Variants in GPC6 observed in about 807,000 individuals in gnomAD.
GPC6 encodes the protein glypican-6.
A neutral mutation model predicts 55.2 loss-of-function variants in GPC6; 14 were observed. That is an observed-to-expected ratio of 0.25 (90% CI 0.17 to 0.40). The LOEUF (loss-of-function observed/expected upper bound fraction) is 0.40, where lower values mean the gene tolerates loss of function less well. Among genes scored for constraint, GPC6 ranks in the 10% least tolerant of loss-of-function variants. The probability of loss-of-function intolerance (pLI) is 1.00; values close to 1 mark genes in which losing one functional copy is unlikely to be tolerated. For synonymous variants in GPC6, 278 were observed against 259.6 expected, an observed-to-expected ratio of 1.07 and a Z score of -0.68; for missense variants, 641 against 708.5, an observed-to-expected ratio of 0.90 and a Z score of 1.08.
chr13:93,707,837 G>A (rs1038739240), intron 2 of GPC6, among the ~76,000 whole-genome samples: 15 of 151,736 alleles, frequency 9.9e-5, no homozygotes, highest in African/African-American at 3.6e-4. Flanking sequence ...TCACAGTTGA[G>A]TTATTCCACA....
chr13:93,335,937 G>A (rs527831697), intron 1 of GPC6, among the ~76,000 whole-genome samples: 1 of 152,204 alleles, frequency 6.6e-6, no homozygotes, highest in South Asian at 2.1e-4. Flanking sequence ...CTAAGAATAG[G>A]CACAAAACAT....
chr13:94,352,212 G>C (rs1275169266), intron 6 of GPC6, among the ~76,000 whole-genome samples: 1 of 152,052 alleles, frequency 6.6e-6, no homozygotes, highest in Non-Finnish European at 1.5e-5. Flanking sequence ...ACTCAAGTCA[G>C]TGCAGGAAGA....
chr13:93,793,286 A>T (rs1409322278), intron 2 of GPC6, among the ~76,000 whole-genome samples: 1 of 152,218 alleles, frequency 6.6e-6, no homozygotes, highest in Admixed American at 6.5e-5. Flanking sequence ...TTGAGAAAAT[A>T]GTCACTGAAA....
intron 4 of GPC6, among the ~76,000 whole-genome samples, chr13:94,209,958 C>T (rs12100133): frequency 0.097 from 14,802 of 151,944 alleles, 1,217 homozygotes; most frequent in East Asian, 0.25. Context: ...AGCTATCTTC[C>T]CACCTCAGCC....
intron 2 of GPC6, among the ~76,000 whole-genome samples, chr13:93,760,556 C>A (rs1167071397): frequency 2.0e-5 from 3 of 152,128 alleles, no homozygotes; most frequent in Non-Finnish European, 4.4e-5. Context: ...GACTAATGGG[C>A]AGGAAATGGC....
chr13:94,302,311 C>G (rs778109689), intron 5 of GPC6, among the ~76,000 whole-genome samples: 1 of 152,070 alleles, frequency 6.6e-6, no homozygotes, highest in Non-Finnish European at 1.5e-5. Flanking sequence ...TGGCACCTTC[C>G]CACTGTGTCC....
At chr13:93,846,959 G>A (rs1302517550) in intron 3 of GPC6, among the ~76,000 whole-genome samples, 1 of 152,098 alleles carries the variant, frequency 6.6e-6, no homozygotes, top group East Asian at 1.9e-4. Context: ...TCCCTAGGAA[G>A]CCTAAACTCT....
intron 2 of GPC6, among the ~76,000 whole-genome samples, chr13:93,798,988 T>G (rs180827531): frequency 1.4e-4 from 21 of 152,044 alleles, no homozygotes; most frequent in Non-Finnish European, 2.8e-4. Flanking sequence ...AATTATATTT[T>G]ATATACAAAA....
chr13:93,958,098 T>C (rs758274768), intron 3 of GPC6, among the ~76,000 whole-genome samples: 3 of 152,224 alleles, frequency 2.0e-5, no homozygotes, highest in African/African-American at 2.4e-5. Flanking sequence ...AAGTTCCTTA[T>C]AGAGTCTAGA....
intron 3 of GPC6, among the ~76,000 whole-genome samples, chr13:93,898,408 A>G (rs541655090): frequency 6.6e-6 from 1 of 152,276 alleles, no homozygotes; most frequent in East Asian, 1.9e-4. Context: ...AGGGAAGTAT[A>G]TAAGAGTCAG....
At chr13:93,806,636 G>A (rs919139883) in intron 2 of GPC6, among the ~76,000 whole-genome samples, 3 of 152,076 alleles carry the variant, frequency 2.0e-5, no homozygotes, top group Admixed American at 1.3e-4. Flanking sequence ...CACCACATCC[G>A]GCCCACTTGG....
At chr13:93,725,736 C>T (rs942320499) in intron 2 of GPC6, among the ~76,000 whole-genome samples, 4 of 151,816 alleles carry the variant, frequency 2.6e-5, no homozygotes, top group African/African-American at 9.7e-5. Context: ...GCATCTATAT[C>T]CAATAGATGA....
At chr13:93,289,350 A>C (rs1223931542) in intron 1 of GPC6, among the ~76,000 whole-genome samples, 1 of 152,092 alleles carries the variant, frequency 6.6e-6, no homozygotes, top group Non-Finnish European at 1.5e-5. Context: ...GGCTCAAAAG[A>C]CTTTCAAAAC....
chr13:93,350,912 G>A (rs566088878), intron 1 of GPC6, among the ~76,000 whole-genome samples: 1 of 152,074 alleles, frequency 6.6e-6, no homozygotes, highest in South Asian at 2.1e-4. Context: ...TTCAGATGAT[G>A]ACAAAGAGTC....
chr13:94,014,356 T>C (rs1208561826), intron 3 of GPC6, among the ~76,000 whole-genome samples: 1 of 152,198 alleles, frequency 6.6e-6, no homozygotes, highest in Non-Finnish European at 1.5e-5. Flanking sequence ...TGATATTATT[T>C]AGATCGTTTC....
intron 1 of GPC6, among the ~76,000 whole-genome samples, chr13:93,414,450 C>A (rs1275217555): frequency 6.6e-6 from 1 of 152,110 alleles, no homozygotes; most frequent in Non-Finnish European, 1.5e-5. Context: ...CAAAATTGCA[C>A]AAATTCAGCA....
intron 6 of GPC6, among the ~76,000 whole-genome samples, chr13:94,359,297 T>G (rs562389352): frequency 1.3e-5 from 2 of 152,226 alleles, no homozygotes; most frequent in South Asian, 2.1e-4. Flanking sequence ...TAACTTTCCT[T>G]TAATTATACT....
At chr13:93,441,792 G>A (rs554744744) in intron 1 of GPC6, among the ~76,000 whole-genome samples, 5 of 152,084 alleles carry the variant, frequency 3.3e-5, no homozygotes, top group African/African-American at 1.2e-4. Flanking sequence ...GAATGGTATT[G>A]CCTAGATTCT....
At chr13:94,396,322 G>T (rs1001123311) in intron 7 of GPC6, among the ~76,000 whole-genome samples, 1 of 152,200 alleles carries the variant, frequency 6.6e-6, no homozygotes, top group Non-Finnish European at 1.5e-5. Flanking sequence ...CCAGATGGGT[G>T]CATGGGGGTT....
Sources: allele counts gnomAD v4.1 joint callset (sites outside exome capture counted in the v4.1 genomes callset), GRCh38; gene constraint gnomAD v4.1.1; transcripts MANE v1.5; gene names NCBI Gene and HGNC (gene_info 2026-07-23, HGNC 2026-07-21).